CNTNAP2: variants seen among roughly 807,000 people sequenced by gnomAD.
The protein encoded by CNTNAP2 is contactin associated protein 2, also known as contactin-associated protein-like 2.
In CNTNAP2, 98 loss-of-function variants were observed where a neutral mutation model predicts 155.2. The ratio of observed to expected loss-of-function variants is 0.63; its 90% CI spans 0.54 to 0.75. CNTNAP2 has a LOEUF of 0.75. CNTNAP2 is among the 30% of genes least tolerant of loss of function. The pLI is 0.00. For missense variants in CNTNAP2, 1,727 were observed against 1,688.1 expected (o/e 1.02, Z -0.40); for synonymous variants, 651 against 631.2 (o/e 1.03, Z -0.47).
chr7:148,136,753 T>C (rs1348550707), intron 16 of CNTNAP2, among the ~76,000 whole-genome samples: 1 of 152,126 alleles, frequency 6.6e-6, no homozygotes, highest in Non-Finnish European at 1.5e-5. Flanking sequence ...TCGATGGAGC[T>C]ACTCTACAGA....
intron 4 of CNTNAP2, among the ~76,000 whole-genome samples, chr7:147,065,801 T>C (rs1799767612): frequency 6.6e-6 from 1 of 152,190 alleles, no homozygotes; most frequent in Admixed American, 6.5e-5. Flanking sequence ...TTTAAGTTGA[T>C]TGTTAGAAGT....
At chr7:146,848,921 C>A (rs1373392514) in intron 3 of CNTNAP2, among the ~76,000 whole-genome samples, 1 of 152,044 alleles carries the variant, frequency 6.6e-6, no homozygotes, top group East Asian at 1.9e-4. Context: ...AACAGGCATG[C>A]ACCACCATCC....
At chr7:147,008,510 C>A (rs1798564905) in intron 3 of CNTNAP2, among the ~76,000 whole-genome samples, 2 of 151,738 alleles carry the variant, frequency 1.3e-5, no homozygotes, top group Admixed American at 6.6e-5. Context: ...TGGGTCCCTG[C>A]AAATTAGACT....
At chr7:146,294,984 A>G (rs938631183) in intron 1 of CNTNAP2, among the ~76,000 whole-genome samples, 31 of 152,206 alleles carry the variant, frequency 2.0e-4, no homozygotes, top group Non-Finnish European at 1.3e-4. Context: ...TAAAATATAG[A>G]GATTTTATGT....
intron 17 of CNTNAP2, among the ~76,000 whole-genome samples, chr7:148,166,247 C>T (rs1805655769): frequency 6.6e-6 from 1 of 152,114 alleles, no homozygotes; most frequent in Non-Finnish European, 1.5e-5. Flanking sequence ...ATAAGCTCTA[C>T]AAGAACAGAG....
At chr7:146,931,205 A>G (rs1192218178) in intron 3 of CNTNAP2, among the ~76,000 whole-genome samples, 1 of 152,124 alleles carries the variant, frequency 6.6e-6, no homozygotes, top group Non-Finnish European at 1.5e-5. Flanking sequence ...TCCTCAGCAA[A>G]TGTAAAAGAA....
chr7:147,808,628 C>T (rs962088550), intron 13 of CNTNAP2, among the ~76,000 whole-genome samples: 1 of 152,168 alleles, frequency 6.6e-6, no homozygotes, highest in African/African-American at 2.4e-5. Context: ...TGTTACTTCT[C>T]TGTTTGGTAG....
At chr7:146,264,695 C>T (rs1350257128) in intron 1 of CNTNAP2, among the ~76,000 whole-genome samples, 1 of 151,912 alleles carries the variant, frequency 6.6e-6, no homozygotes, top group Non-Finnish European at 1.5e-5. Flanking sequence ...GCAAGTGAAG[C>T]GAGGAAGCGA....
Position 147,853,317 on chromosome 7 carries a change from T to C in CNTNAP2, c.2099-50248T>C, listed in dbSNP as rs149663096. Among the ~76,000 whole-genome samples, 381 of 152,328 alleles carry C rather than the reference T, an allele frequency of 2.5e-3. 2 individuals carry two copies. The highest frequency in any genetic ancestry group is 8.7e-3 in the African/African-American group (361 of 41,588). ...CAATTCTAGACCTAATTCAGAGACA[T>C]GGCTAGAACTGTTACGAAGGAAATG... On this transcript the variant is annotated intron_variant, in intron 13 of 23. Transcript: ENST00000361727.
At chr7:146,788,513 T>TTG (rs1166890591) in intron 2 of CNTNAP2, among the ~76,000 whole-genome samples, 4 of 152,186 alleles carry the variant, frequency 2.6e-5, no homozygotes, top group Admixed American at 1.3e-4. Context: ...TTCTTTACTG[T>TTG]TGAAGGGCTG....
chr7:148,194,744 C>G (rs1795249510), intron 18 of CNTNAP2, among the ~76,000 whole-genome samples: 2 of 152,048 alleles, frequency 1.3e-5, no homozygotes, highest in Non-Finnish European at 2.9e-5. Context: ...GAAGGATGTC[C>G]CAGCTCAAGA....
At chr7:147,662,368 G>T (rs776799604) in intron 13 of CNTNAP2, among the ~76,000 whole-genome samples, 1 of 152,222 alleles carries the variant, frequency 6.6e-6, no homozygotes, top group South Asian at 2.1e-4. Flanking sequence ...AAATCAAGGA[G>T]CTGATTAACA....
intron 1 of CNTNAP2, among the ~76,000 whole-genome samples, chr7:146,555,092 C>T (rs1798177566): frequency 6.6e-6 from 1 of 152,186 alleles, no homozygotes; most frequent in Non-Finnish European, 1.5e-5. Flanking sequence ...AGCTCAGCCT[C>T]CTCTATTGCT....
chr7:146,899,868 G>A (rs1585145791), intron 3 of CNTNAP2, among the ~76,000 whole-genome samples: 6 of 152,278 alleles, frequency 3.9e-5, no homozygotes, highest in Admixed American at 3.9e-4. Context: ...TATGATAAGA[G>A]CAAGTGGCCC....
chr7:147,279,420 T>C (rs1296361344), intron 8 of CNTNAP2, among the ~76,000 whole-genome samples: 1 of 151,832 alleles, frequency 6.6e-6, no homozygotes, highest in Non-Finnish European at 1.5e-5. Flanking sequence ...ACTTAGGCGA[T>C]GGGTCCCCAT....
chr7:148,369,454 A>G (rs1798848763), intron 21 of CNTNAP2, among the ~76,000 whole-genome samples: 2 of 151,790 alleles, frequency 1.3e-5, no homozygotes, highest in African/African-American at 2.4e-5. Flanking sequence ...CATGTTGGCC[A>G]GGATGGTCTC....
chr7:147,202,470 T>C (rs990176723), intron 8 of CNTNAP2, among the ~76,000 whole-genome samples: 1 of 152,096 alleles, frequency 6.6e-6, no homozygotes, highest in Non-Finnish European at 1.5e-5. Context: ...TAAAAAAACA[T>C]TTATAGATGA....
intron 4 of CNTNAP2, among the ~76,000 whole-genome samples, chr7:147,083,617 A>G (rs1800192092): frequency 6.9e-6 from 1 of 145,492 alleles, no homozygotes; most frequent in East Asian, 2.0e-4. Flanking sequence ...GCTATATATA[A>G]AAAATATATC....
At chr7:147,315,567 C>T (rs923412619) in intron 9 of CNTNAP2, among the ~76,000 whole-genome samples, 34 of 151,084 alleles carry the variant, frequency 2.3e-4, no homozygotes, top group Non-Finnish European at 1.3e-4. Flanking sequence ...CTGCAAGCTC[C>T]GCCTCCCGGG....
Sources: gnomAD v4.1 joint callset for allele counts (sites outside exome capture counted in the v4.1 genomes callset) on GRCh38, gnomAD v4.1.1 for gene constraint, MANE v1.5 for transcripts, NCBI Gene and HGNC (gene_info 2026-07-23, HGNC 2026-07-21) for gene names.